UBE2L6: variants seen among roughly 807,000 people sequenced by gnomAD.
UBE2L6 encodes the protein ubiquitin/ISG15-conjugating enzyme E2 L6.
In UBE2L6, 11 loss-of-function variants were observed where a neutral mutation model predicts 13.6. The observed-to-expected ratio is 0.81, with a 90% CI of 0.51 to 1.34. UBE2L6 has a LOEUF of 1.34. Among genes scored for constraint, UBE2L6 ranks in the 40% most tolerant of loss-of-function variants. The probability of loss-of-function intolerance (pLI) is 0.00; values close to 1 mark genes in which losing one functional copy is unlikely to be tolerated. For synonymous variants in UBE2L6, 74 were observed against 83.2 expected (o/e 0.89, Z 0.60); for missense variants, 197 against 199.5 (o/e 0.99, Z 0.07).
At chr11:57,560,599 T>C (rs554472995) in intron 1 of UBE2L6, 167 bp from the exon 2 acceptor site, 44 of 563,258 alleles carry the variant, frequency 7.8e-5, no homozygotes, top group Non-Finnish European at 8.8e-5. Context: ...GTATCAGGCA[T>C]GGTGCTGGTG....
chr11:57,562,407 C>A (rs1417575365), intron 1 of UBE2L6, among the ~76,000 whole-genome samples: 1 of 152,250 alleles, frequency 6.6e-6, no homozygotes, highest in Non-Finnish European at 1.5e-5. Context: ...GAACTAACCA[C>A]CCTAAGGGGA....
Position 57,552,329 on chromosome 11 carries a change from ATCCAGTGCACAGAGGG to A in UBE2L6, c.*13_*28del. 2 of 1,613,158 alleles carry A rather than the reference ATCCAGTGCACAGAGGG, an allele frequency of 1.2e-6. No individual in the cohort carries two copies. The highest frequency in any genetic ancestry group is 1.7e-6 in the Non-Finnish European group (2 of 1,179,280). On this transcript the variant is annotated 3_prime_UTR_variant, in exon 4 of 4. Transcript: ENST00000287156. ...GGTGTGTCCGTCCGCTATGCCGAGG[ATCCAGTGCACAGAGGG>A]TCAGAACATGAGTTAGGAGGGCCGG... is the stretch of plus-strand genomic sequence containing the variant.
chr11:57,567,097 T>C (rs1166505474), intron 1 of UBE2L6: 2 of 456,676 alleles, frequency 4.4e-6, no homozygotes, highest in African/African-American at 4.0e-5. Context: ...TTGTCCCAAA[T>C]TCTAATCAGC....
chr11:57,558,439 A>G (rs1305079605), intron 2 of UBE2L6, among the ~76,000 whole-genome samples: 4 of 152,136 alleles, frequency 2.6e-5, no homozygotes, highest in African/African-American at 9.7e-5. Context: ...AAAAGAGAAG[A>G]CCCTGGAGTC....
chr11:57,554,362 G>C, intron 3 of UBE2L6, 75 bp downstream of exon 3: 1 of 1,527,000 alleles, frequency 6.5e-7, no homozygotes, highest in Non-Finnish European at 8.9e-7. Context: ...TTCAAGCTCA[G>C]AATAAGCTGT....
chr11:57,559,497 G>A (rs1267285537), intron 2 of UBE2L6, among the ~76,000 whole-genome samples: 1 of 152,116 alleles, frequency 6.6e-6, no homozygotes, highest in Non-Finnish European at 1.5e-5. Context: ...TGTAGTCACA[G>A]CTACTCAGGA....
In UBE2L6 at chr11:57,554,630, A is replaced by G; in HGVS notation, c.124-7T>C. 1 of 1,613,918 alleles carries G rather than the reference A, an allele frequency of 6.2e-7. No individual in the cohort carries two copies. Among genetic ancestry groups the G allele is most frequent in the Non-Finnish European group, 8.5e-7 (1 of 1,179,896 alleles). ...GGTGGTAGGGAGGTTGGTCCTGTGC[A>G]GAGAGAAAAGGGGTCAAGCTCCAGT... On this transcript the variant is annotated splice_region_variant and splice_polypyrimidine_tract_variant and intron_variant, in intron 2 of 3. Coordinates refer to ENST00000287156, the MANE Select transcript of UBE2L6 (RefSeq NM_004223.5).
In UBE2L6 at chr11:57,560,409, C is replaced by A; in HGVS notation, c.51G>T (p.Lys17Asn). 6.2e-7 allele frequency: 1 copy of A among 1,613,686 alleles called. No homozygotes were observed. The highest frequency in any genetic ancestry group is 2.2e-5 in the East Asian group (1 of 44,884). Reference sequence around the variant, plus strand: ...ACAGGTTCCGCAGGTATGGGGGAGGCTTCTTCTGAAGATCCTCCAGCTCCT... The same window carrying A: ...ACAGGTTCCGCAGGTATGGGGGAGGATTCTTCTGAAGATCCTCCAGCTCCT... The part of the protein sequence containing the change: ...VVKELEDLQK[K>N]PPPYLRNLSS... Residue 17 changes from lysine to asparagine, a missense_variant, in exon 2 of 4, where the codon AAG (lysine) becomes AAT (asparagine). Transcript: ENST00000287156.
At chr11:57,565,356 G>GT (rs370848897) in intron 1 of UBE2L6, among the ~76,000 whole-genome samples, 24,665 of 97,222 alleles carry the variant, frequency 0.25, 6,589 homozygotes, top group East Asian at 0.57. Flanking sequence ...TGTATTAGTT[G>GT]TTTTTTTTTT....
At position 57,552,111 on chromosome 11, in the gene UBE2L6, C is replaced by G. The variant is rs946475625; in HGVS notation, c.*247G>C. ...TAACTGCAAACTTAAACTCCCTTGGCTCTGGGGAATGTAAAGGGTGTGGGA... is the reference window on the plus strand; with the variant it reads ...TAACTGCAAACTTAAACTCCCTTGGGTCTGGGGAATGTAAAGGGTGTGGGA... On this transcript the variant is annotated 3_prime_UTR_variant, in exon 4 of 4. Transcript: ENST00000287156. 4 of 500,012 alleles carry G rather than the reference C, an allele frequency of 8.0e-6. No homozygotes were observed. The highest frequency in any genetic ancestry group is 1.9e-5 in the African/African-American group (1 of 51,300). 31.0% of individuals were successfully genotyped at this position (500,012 alleles called of 1,614,324 possible). A position where few individuals can be genotyped will look rare whatever the true frequency, so the allele number is the denominator to read the frequency against.
Position 57,552,366 on chromosome 11 carries a change from G to A in UBE2L6, c.454C>T (p.Pro152Ser). The A allele has an allele frequency of 6.2e-7, 1 of 1,614,200 alleles. No homozygotes were observed. Among genetic ancestry groups the A allele is most frequent in the Non-Finnish European group, 8.5e-7 (1 of 1,180,022 alleles). The change falls in exon 4 of 4, where the codon CCC (proline) becomes TCC (serine). Residue 152 changes from proline to serine, a missense_variant. Pro to Ser is a moderately conservative substitution (Grantham distance 74, BLOSUM62 -1). Transcript: ENST00000287156. ...EFTLRFGVDR[P>S]S The stretch of plus-strand genomic sequence containing the variant: ...GAGGGTCAGAACATGAGTTAGGAGG[G>A]CCGGTCCACTCCGAATCGGAGGGTG...
intron 1 of UBE2L6, among the ~76,000 whole-genome samples, chr11:57,564,707 G>C (rs1945072970): frequency 6.6e-6 from 1 of 152,042 alleles, no homozygotes; most frequent in Non-Finnish European, 1.5e-5. Flanking sequence ...GGAGGCTGAG[G>C]TAAGAGAATC....
intron 1 of UBE2L6, among the ~76,000 whole-genome samples, chr11:57,566,596 A>T (rs1193236850): frequency 2.0e-5 from 3 of 152,122 alleles, no homozygotes; most frequent in Non-Finnish European, 4.4e-5. Flanking sequence ...GGCTGGAAAG[A>T]CCCTCTGCCT....
In UBE2L6 at chr11:57,567,574, T is replaced by C. The variant is rs750071420; in HGVS notation, c.27+11A>G. ...GAGCCAAGAGAAAGGGGTCATCCTA[T>C]ACGCGGTTACCTTCACCACTCGCAT... is the stretch of plus-strand genomic sequence containing the variant. On this transcript the variant is annotated intron_variant, in intron 1 of 3. Transcript: ENST00000287156. The C allele has an allele frequency of 1.9e-6, 3 of 1,606,960 alleles. No homozygotes were observed. The highest frequency in any genetic ancestry group is 1.3e-5 in the African/African-American group (1 of 74,894).
chr11:57,560,918 C>A (rs2135279388), intron 1 of UBE2L6, among the ~76,000 whole-genome samples: 1 of 151,762 alleles, frequency 6.6e-6, no homozygotes, highest in South Asian at 2.1e-4. Context: ...CCGCGCCCAG[C>A]CGGTGCTGGT....
At chr11:57,566,895 C>A in intron 1 of UBE2L6, 1 of 427,774 alleles carries the variant, frequency 2.3e-6, no homozygotes. Context: ...CAAATTGTGT[C>A]CCTGATAGGA....
chr11:57,557,083 GAAAGA>G lies in UBE2L6; in HGVS notation c.124-2465_124-2461del, dbSNP rs547759958. Among the ~76,000 whole-genome samples the G allele has an allele frequency of 4.4e-3, 659 of 151,346 alleles. 2 individuals are homozygous for G. The highest frequency in any genetic ancestry group is 7.5e-3 in the African/African-American group (312 of 41,378). Reference sequence around the variant, plus strand: ...CTCTGTCACCAAAAAAAAAAAAAAGGAAAGAAAAGAAAAGAATTTGATCCCCAATG... The same window carrying G: ...CTCTGTCACCAAAAAAAAAAAAAAGGAAAGAAAAGAATTTGATCCCCAATG... On this transcript the variant is annotated intron_variant, in intron 2 of 3. Coordinates refer to ENST00000287156, the MANE Select transcript of UBE2L6 (RefSeq NM_004223.5).
At chr11:57,554,695 G>A in intron 2 of UBE2L6, 72 bp from the exon 3 acceptor site, 2 of 1,536,390 alleles carry the variant, frequency 1.3e-6, no homozygotes, top group Non-Finnish European at 1.8e-6. Flanking sequence ...GAGGGTCCTA[G>A]GCATCCTCTG....
chr11:57,567,636 G>A lies in UBE2L6; in HGVS notation c.-25C>T, dbSNP rs1945103884. On this transcript the variant is annotated 5_prime_UTR_variant, in exon 1 of 4. The change creates a new upstream start codon in the 5' untranslated region. Coordinates refer to ENST00000287156, the MANE Select transcript of UBE2L6 (RefSeq NM_004223.5). ...TGTCGGGACCGAGTGTGTGGCACCC[G>A]TGGCCTCCAGCAGGACCGAGCTCCG... 10 of 1,603,190 alleles carry A rather than the reference G, an allele frequency of 6.2e-6. No individual in the cohort carries two copies. Among genetic ancestry groups the A allele is most frequent in the South Asian group, 1.1e-5 (1 of 88,668 alleles).
Sources: gnomAD v4.1 joint callset for allele counts (sites outside exome capture counted in the v4.1 genomes callset) on GRCh38, gnomAD v4.1.1 for gene constraint, MANE v1.5 for transcripts, NCBI Gene and HGNC (gene_info 2026-07-23, HGNC 2026-07-21) for gene names.